Variants in TANC2 observed in about 807,000 individuals in gnomAD.
TANC2 encodes tetratricopeptide repeat, ankyrin repeat and coiled-coil containing 2, also known as protein TANC2.
A neutral mutation model predicts 210.5 loss-of-function variants in TANC2; 26 were observed. That is an observed-to-expected ratio of 0.12 (90% confidence interval 0.09 to 0.17). The LOEUF is 0.17. Among genes scored for constraint, TANC2 ranks in the 10% least tolerant of loss-of-function variants. TANC2 has a pLI of 1.00. For missense variants in TANC2, 2,129 were observed against 2,608.9 expected (o/e 0.82, Z 4.01); for synonymous variants, 931 against 967.1 (o/e 0.96, Z 0.69).
intron 4 of TANC2, among the ~76,000 whole-genome samples, chr17:63,114,981 T>A (rs1005405177): frequency 6.6e-6 from 1 of 152,136 alleles, no homozygotes; most frequent in African/African-American, 2.4e-5. Context: ...TTAGAAAAAA[T>A]TATTTGTTGT....
At chr17:63,318,373 G>A (rs191347859) in intron 10 of TANC2, among the ~76,000 whole-genome samples, 13 of 152,194 alleles carry the variant, frequency 8.5e-5, no homozygotes, top group East Asian at 7.7e-4. Flanking sequence ...CATTTAAAGC[G>A]TTCAACTCAG....
intron 5 of TANC2, chr17:63,154,205 A>G (rs2039758065): frequency 6.6e-6 from 1 of 152,112 alleles, no homozygotes; most frequent in East Asian, 1.9e-4. Context: ...TGTGTGTGTT[A>G]ATTGTCTCAC....
chr17:63,375,779 G>C lies in TANC2; in HGVS notation c.2583-3939G>C, dbSNP rs569366136. Among the ~76,000 whole-genome samples, 173 of 152,226 alleles carry C rather than the reference G, an allele frequency of 1.1e-3. 2 individuals carry two copies. The highest frequency in any genetic ancestry group is 3.9e-3 in the African/African-American group (160 of 41,534). The stretch of plus-strand genomic sequence containing the variant: ...CTCAAAAAATAACTTAATTCAAAAA[G>C]AACAATCTCTATTGAAAAAACTAAA... On this transcript the variant is annotated intron_variant, in intron 14 of 27. Transcript: ENST00000689528.
chr17:63,113,431 C>T (rs181867797), intron 4 of TANC2, among the ~76,000 whole-genome samples: 144 of 152,226 alleles, frequency 9.5e-4, no homozygotes, highest in Non-Finnish European at 1.7e-3. Flanking sequence ...ATTGTAAATG[C>T]GCATCCTTAC....
At chr17:63,227,944 A>G (rs1316114940) in intron 7 of TANC2, among the ~76,000 whole-genome samples, 2 of 151,928 alleles carry the variant, frequency 1.3e-5, no homozygotes, top group Non-Finnish European at 1.5e-5. Context: ...GCTCACGGCA[A>G]CCTCCGCCTC....
At chr17:63,347,083 A>G (rs1407312320) in intron 12 of TANC2, among the ~76,000 whole-genome samples, 1 of 152,242 alleles carries the variant, frequency 6.6e-6, no homozygotes, top group African/African-American at 2.4e-5. Flanking sequence ...CCCAAGAGAA[A>G]TGAAAACATA....
intron 9 of TANC2, among the ~76,000 whole-genome samples, chr17:63,278,765 A>G (rs899557774): frequency 2.0e-5 from 3 of 152,168 alleles, no homozygotes; most frequent in African/African-American, 7.2e-5. Context: ...TGTGGTCTAT[A>G]TATCAATGGA....
chr17:63,079,605 A>G (rs1420054523), intron 3 of TANC2, among the ~76,000 whole-genome samples: 1 of 152,234 alleles, frequency 6.6e-6, no homozygotes, highest in Non-Finnish European at 1.5e-5. Context: ...ATGCTAGTTC[A>G]TTCAGAACAA....
intron 7 of TANC2, among the ~76,000 whole-genome samples, chr17:63,234,467 A>G (rs1488805228): frequency 6.6e-6 from 1 of 152,150 alleles, no homozygotes; most frequent in Non-Finnish European, 1.5e-5. Context: ...TCGTTCTGAT[A>G]TTTCATTGTT....
intron 9 of TANC2, among the ~76,000 whole-genome samples, chr17:63,303,874 G>A (rs1411445621): frequency 6.6e-6 from 1 of 151,348 alleles, no homozygotes; most frequent in Non-Finnish European, 1.5e-5. Flanking sequence ...CTGCTTGGTC[G>A]ATTCAGTTAT....
rs71155970 is a variant in TANC2 at position 63,141,379 on chromosome 17, T to TAAAAAAAAAAA, written c.323-9863_323-9853dup. Among the ~76,000 whole-genome samples the TAAAAAAAAAAA allele has an allele frequency of 4.1e-4, 9 of 21,876 alleles. 2 individuals carry two copies. The highest frequency in any genetic ancestry group is 5.0e-4 in the Non-Finnish European group (6 of 12,084). The allele number at this position is 21,876 out of a possible 152,430, so 14.4% of individuals were successfully genotyped here. ...CAACATGCTAAAACCCCGTTTCTAC[T>TAAAAAAAAAAA]AAAAAAAAAAAAAAAAAAAAAAAAA... On this transcript the variant is annotated intron_variant, in intron 4 of 27. Transcript: ENST00000689528.
At chr17:63,162,524 A>G (rs1010596067) in intron 5 of TANC2, among the ~76,000 whole-genome samples, 5 of 152,162 alleles carry the variant, frequency 3.3e-5, no homozygotes, top group African/African-American at 7.2e-5. Context: ...AGAGAGAGGA[A>G]ATTGATGATG....
chr17:63,159,749 A>T (rs150032513), intron 5 of TANC2, among the ~76,000 whole-genome samples: 17 of 152,352 alleles, frequency 1.1e-4, no homozygotes, highest in African/African-American at 4.1e-4. Flanking sequence ...GTCATTTTGT[A>T]TACAAGGAGC....
In TANC2 at chr17:63,421,972, G is replaced by A. The variant is rs775149605; in HGVS notation, c.*17G>A. ...AATGTTTAAAAGACGTTTTGTTGGA[G>A]TGAGACCCATATGTTTTCACTGCAC... On this transcript the variant is annotated 3_prime_UTR_variant, in exon 28 of 28. Transcript: ENST00000689528. The surrounding 1 kb of genome is among the most constrained non-coding windows in gnomAD (Gnocchi z 6.9). 1.3e-5 allele frequency: 20 copies of A among 1,580,638 alleles called. No individual in the cohort carries two copies. The highest frequency in any genetic ancestry group is 2.7e-5 in the African/African-American group (2 of 73,938).
intron 21 of TANC2, among the ~76,000 whole-genome samples, chr17:63,406,482 T>A (rs1409787219): frequency 6.6e-6 from 1 of 152,230 alleles, no homozygotes; most frequent in Non-Finnish European, 1.5e-5. Flanking sequence ...TTGAGGGATT[T>A]AAATGAAATT....
chr17:63,421,805 C>T lies in TANC2; in HGVS notation c.6075C>T (p.Ala2025=), dbSNP rs530583936. Reference sequence around the variant, plus strand: ...ACCTCTTGGAGCGAGTCAGCCAGGCCTCCTCCTATCCCGACGTGAAGGTAG... The same window carrying T: ...ACCTCTTGGAGCGAGTCAGCCAGGCTTCCTCCTATCCCGACGTGAAGGTAG... Residue 2025 remains alanine (A), a synonymous_variant, in exon 28 of 28, where the codon GCC becomes GCT. Transcript: ENST00000689528. The surrounding 1 kb of genome is among the most constrained non-coding windows in gnomAD (Gnocchi z 6.9). 6.2e-7 allele frequency: 1 copy of T among 1,614,056 alleles called. No homozygotes were observed. Among genetic ancestry groups the T allele is most frequent in the South Asian group, 1.1e-5 (1 of 91,084 alleles).
At chr17:63,197,130 C>T (rs945258364) in intron 6 of TANC2, among the ~76,000 whole-genome samples, 24 of 152,156 alleles carry the variant, frequency 1.6e-4, no homozygotes, top group African/African-American at 5.5e-4. Context: ...TAAATATATG[C>T]AGGAACTGTG....
intron 2 of TANC2, among the ~76,000 whole-genome samples, chr17:63,029,390 T>C (rs1037312233): frequency 5.9e-5 from 9 of 152,150 alleles, no homozygotes; most frequent in Non-Finnish European, 1.3e-4. Context: ...GTATCCTTGG[T>C]CTATAGCATA....
At chr17:63,233,032 A>G (rs1411600350) in intron 7 of TANC2, among the ~76,000 whole-genome samples, 1 of 152,214 alleles carries the variant, frequency 6.6e-6, no homozygotes, top group Non-Finnish European at 1.5e-5. Flanking sequence ...CAGTCTGGCC[A>G]CAATCTGCCA....
Sources: gnomAD v4.1 joint callset for allele counts (sites outside exome capture counted in the v4.1 genomes callset) on GRCh38, gnomAD v4.1.1 for gene constraint, Gnocchi (gnomAD v3.1) non-coding constraint, MANE v1.5 for transcripts, NCBI Gene and HGNC (gene_info 2026-07-23, HGNC 2026-07-21) for gene names.